The following RSRC1 variants were observed in gnomAD, a reference collection of about 807,000 sequenced individuals.
The protein encoded by RSRC1 is serine/Arginine-related protein 53.
Under a neutral mutation model 49.1 loss-of-function variants are expected in RSRC1, and 39 were observed. That is an observed-to-expected ratio of 0.79 (90% CI 0.61 to 1.04). The LOEUF is 1.04. RSRC1 is among the 50% of genes least tolerant of loss of function. The pLI, the probability that RSRC1 is intolerant of heterozygous loss-of-function variation, is 0.00. For missense variants in RSRC1, 388 were observed against 402.4 expected (o/e 0.96, Z 0.31); for synonymous variants, 143 against 130.8 (o/e 1.09, Z -0.63).
At chr3:158,377,292 A>G (rs1732427463) in intron 6 of RSRC1, among the ~76,000 whole-genome samples, 1 of 152,012 alleles carries the variant, frequency 6.6e-6, no homozygotes, top group South Asian at 2.1e-4. Flanking sequence ...CGTCTTCTTT[A>G]TAATTGATAT....
chr3:158,537,024 A>G (rs1712749051), intron 7 of RSRC1, 68 bp from the exon 8 acceptor site: 4 of 906,972 alleles, frequency 4.4e-6, no homozygotes, highest in Middle Eastern at 2.3e-4. Flanking sequence ...TAGAAAGAAC[A>G]TTGCTTAGGT....
chr3:158,337,048 G>A (rs746682359), intron 5 of RSRC1, among the ~76,000 whole-genome samples: 7 of 152,192 alleles, frequency 4.6e-5, no homozygotes, highest in Non-Finnish European at 1.0e-4. Context: ...AGACAAAGTA[G>A]GGTAAGAAGA....
At chr3:158,280,321 C>G (rs1578279957) in intron 4 of RSRC1, among the ~76,000 whole-genome samples, 1 of 152,046 alleles carries the variant, frequency 6.6e-6, no homozygotes, top group East Asian at 1.9e-4. Flanking sequence ...TCTTATAGGT[C>G]CCTGTATTAA....
chr3:158,206,892 C>T (rs1474804253), intron 4 of RSRC1, among the ~76,000 whole-genome samples: 4 of 152,106 alleles, frequency 2.6e-5, no homozygotes, highest in East Asian at 3.9e-4. Flanking sequence ...CTAGCCTGGG[C>T]GACAAAGTGA....
At chr3:158,345,816 A>G (rs1472028660) in intron 5 of RSRC1, among the ~76,000 whole-genome samples, 3 of 148,554 alleles carry the variant, frequency 2.0e-5, no homozygotes, top group Non-Finnish European at 1.5e-5. Context: ...ACACACATAT[A>G]TATGCATTAT....
intron 4 of RSRC1, among the ~76,000 whole-genome samples, chr3:158,271,000 T>G (rs1725487659): frequency 6.6e-6 from 1 of 152,154 alleles, no homozygotes; most frequent in South Asian, 2.1e-4. Context: ...GACTTCTCCC[T>G]TTTATAAAAG....
At chr3:158,200,317 C>T (rs564587586) in intron 3 of RSRC1, among the ~76,000 whole-genome samples, 10 of 152,158 alleles carry the variant, frequency 6.6e-5, no homozygotes, top group African/African-American at 2.2e-4. Context: ...GGATTAGAGG[C>T]GTGAGCTACC....
intron 6 of RSRC1, among the ~76,000 whole-genome samples, chr3:158,450,140 A>G (rs1376652337): frequency 6.6e-6 from 1 of 151,940 alleles, no homozygotes; most frequent in Non-Finnish European, 1.5e-5. Context: ...TAGCTCAGTG[A>G]TTAGGAACAA....
intron 7 of RSRC1, among the ~76,000 whole-genome samples, chr3:158,529,720 A>C (rs1314630438): frequency 1.3e-5 from 2 of 151,962 alleles, no homozygotes; most frequent in Admixed American, 6.6e-5. Flanking sequence ...ATGAAAACAA[A>C]AATTTCCGTG....
At chr3:158,390,665 G>A (rs1040143986) in intron 6 of RSRC1, among the ~76,000 whole-genome samples, 1 of 152,110 alleles carries the variant, frequency 6.6e-6, no homozygotes, top group South Asian at 2.1e-4. Context: ...TACAGATAAG[G>A]AAACTAGGAA....
chr3:158,290,511 G>T lies in RSRC1; in HGVS notation c.495-7528G>T, dbSNP rs777892517. Among the ~76,000 whole-genome samples the T allele has an allele frequency of 3.3e-5, 5 of 152,120 alleles. 1 individual carries two copies. In the East Asian group the frequency reaches 9.7e-4, roughly 30 times the overall value. On this transcript the variant is annotated intron_variant, in intron 4 of 9. Coordinates refer to ENST00000611884, the MANE Select transcript of RSRC1 (RefSeq NM_001271838.2). Reference sequence around the variant, plus strand: ...AGGATGGTCTCGATTTCCTGACCTCGTGATCCGCCCACCTTGGCCTCCCAA... The same window carrying T: ...AGGATGGTCTCGATTTCCTGACCTCTTGATCCGCCCACCTTGGCCTCCCAA...
chr3:158,412,156 A>C (rs1318826555), intron 6 of RSRC1, among the ~76,000 whole-genome samples: 1 of 151,836 alleles, frequency 6.6e-6, no homozygotes, highest in Non-Finnish European at 1.5e-5. Context: ...TTCTTTTTTT[A>C]TTTTTCTATC....
intron 4 of RSRC1, among the ~76,000 whole-genome samples, chr3:158,288,026 A>AT (rs1726680149): frequency 6.6e-6 from 1 of 151,992 alleles, no homozygotes; most frequent in South Asian, 2.1e-4. Context: ...TGCCCCCTTG[A>AT]TTTTTTTGTT....
chr3:158,516,808 T>G (rs1740570609), intron 7 of RSRC1, among the ~76,000 whole-genome samples: 2 of 152,214 alleles, frequency 1.3e-5, no homozygotes, highest in Non-Finnish European at 2.9e-5. Context: ...GTGCGCTATT[T>G]TTTAAGCCCG....
At chr3:158,513,388 C>G (rs1240708066) in intron 7 of RSRC1, among the ~76,000 whole-genome samples, 1 of 152,050 alleles carries the variant, frequency 6.6e-6, no homozygotes, top group Non-Finnish European at 1.5e-5. Flanking sequence ...TGGTTTTTGC[C>G]TTTGGTTCTG....
intron 2 of RSRC1, 138 bp from the exon 3 acceptor site, chr3:158,123,728 T>C: frequency 2.8e-6 from 2 of 722,658 alleles, no homozygotes; most frequent in Non-Finnish European, 4.3e-6. Context: ...GAAATAACAT[T>C]TTAATTTATC....
chr3:158,490,491 A>G (rs1237162184), intron 7 of RSRC1, among the ~76,000 whole-genome samples: 1 of 152,250 alleles, frequency 6.6e-6, no homozygotes, highest in East Asian at 1.9e-4. Context: ...TGTGCAGAAA[A>G]TAAAAGTAGT....
At chr3:158,211,990 G>A (rs1207898356) in intron 4 of RSRC1, among the ~76,000 whole-genome samples, 1 of 151,302 alleles carries the variant, frequency 6.6e-6, no homozygotes, top group Non-Finnish European at 1.5e-5. Flanking sequence ...CATCTTTTTG[G>A]GTTCATTTTA....
intron 6 of RSRC1, among the ~76,000 whole-genome samples, chr3:158,436,642 A>G (rs999528957): frequency 1.3e-5 from 2 of 151,880 alleles, no homozygotes; most frequent in South Asian, 4.1e-4. Flanking sequence ...TTGTACATTG[A>G]TTTTTTAAGT....
Sources: allele counts gnomAD v4.1 joint callset (sites outside exome capture counted in the v4.1 genomes callset), GRCh38; gene constraint gnomAD v4.1.1; transcripts MANE v1.5; gene names NCBI Gene and HGNC (gene_info 2026-07-23, HGNC 2026-07-21).